Variants in SLCO3A1 observed in about 807,000 individuals in gnomAD.
The protein encoded by SLCO3A1 is solute carrier organic anion transporter family member 3A1.
Under a neutral mutation model 63.1 loss-of-function variants are expected in SLCO3A1, and 27 were observed. That is an observed-to-expected ratio of 0.43 (90% CI 0.32 to 0.59). The LOEUF is 0.59. Among genes scored for constraint, SLCO3A1 ranks in the 20% least tolerant of loss-of-function variants. SLCO3A1 has a pLI of 0.09. For missense variants in SLCO3A1, 773 were observed against 945.8 expected (o/e 0.82, Z 2.40); for synonymous variants, 473 against 409.9 (o/e 1.15, Z -1.86).
intron 2 of SLCO3A1, among the ~76,000 whole-genome samples, chr15:92,036,514 A>C (rs893962091): frequency 1.3e-5 from 2 of 152,136 alleles, no homozygotes; most frequent in African/African-American, 2.4e-5. Context: ...GGGCAGCGGC[A>C]TTGCTTAACC....
rs564185413 is a variant in SLCO3A1 at position 92,115,283 on chromosome 15, A to T, written c.1010-5182A>T. ...GTAGGAGCTCTTCTTGACCACAGAG[A>T]TGGCCCAGGAACTCAGCCCAGCCCA... On this transcript the variant is annotated intron_variant, in intron 4 of 9. Coordinates refer to ENST00000318445, the MANE Select transcript of SLCO3A1 (RefSeq NM_013272.4). 3.3e-5 allele frequency among the ~76,000 whole-genome samples: 5 copies of T among 152,004 alleles called. No individual in the cohort carries two copies. The East Asian group carries it at 9.7e-4, about 30-fold the overall frequency.
chr15:92,055,942 T>A (rs1161169819), intron 2 of SLCO3A1, among the ~76,000 whole-genome samples: 3 of 152,228 alleles, frequency 2.0e-5, no homozygotes, highest in African/African-American at 7.2e-5. Flanking sequence ...TTTTTTAGAA[T>A]CCACAAACCG....
chr15:91,904,025 G>A (rs1487591963), intron 1 of SLCO3A1, among the ~76,000 whole-genome samples: 2 of 57,910 alleles, frequency 3.5e-5, no homozygotes, highest in Non-Finnish European at 6.2e-5. Context: ...ATGGGAAGGA[G>A]TGGGTCGGGT....
At chr15:92,063,675 C>T (rs2047113385) in intron 2 of SLCO3A1, among the ~76,000 whole-genome samples, 1 of 152,100 alleles carries the variant, frequency 6.6e-6, no homozygotes, top group Non-Finnish European at 1.5e-5. Context: ...TATGGTGGAA[C>T]CCTGTCTCTA....
chr15:92,067,881 C>T (rs1164500392), intron 2 of SLCO3A1, among the ~76,000 whole-genome samples: 1 of 152,158 alleles, frequency 6.6e-6, no homozygotes, highest in Admixed American at 6.5e-5. Flanking sequence ...TTCAGTGTCT[C>T]GTGAGGATCA....
rs1897312519 is a variant in SLCO3A1, at chr15:91,872,853, C to T, written c.180+18765C>T. Reference sequence around the variant, plus strand: ...GGGCCAGAGAATCTGTTCTCTGTTCCCTTCCTCCCCTTTAGGGCATGGTGG... The same window carrying T: ...GGGCCAGAGAATCTGTTCTCTGTTCTCTTCCTCCCCTTTAGGGCATGGTGG... On this transcript the variant is annotated intron_variant, in intron 1 of 9. Transcript: ENST00000318445. The surrounding 1 kb of genome is among the most constrained non-coding windows in gnomAD (Gnocchi z 4.1). Among the ~76,000 whole-genome samples the T allele has an allele frequency of 6.6e-6, 1 of 152,154 alleles. No homozygotes were observed. The highest frequency in any genetic ancestry group is 1.5e-5 in the Non-Finnish European group (1 of 68,030).
chr15:92,123,640 C>T (rs2047889015), intron 5 of SLCO3A1, among the ~76,000 whole-genome samples: 1 of 152,246 alleles, frequency 6.6e-6, no homozygotes, highest in African/African-American at 2.4e-5. Context: ...GTAAAATACA[C>T]CTCTTTATAA....
intron 2 of SLCO3A1, among the ~76,000 whole-genome samples, chr15:91,924,770 A>G (rs1232321963): frequency 1.3e-5 from 2 of 152,220 alleles, no homozygotes; most frequent in Non-Finnish European, 2.9e-5. Flanking sequence ...AGGATTGGAA[A>G]GAAATGAAAC....
intron 2 of SLCO3A1, among the ~76,000 whole-genome samples, chr15:91,928,050 A>T (rs1567190231): frequency 6.6e-6 from 1 of 152,272 alleles, no homozygotes; most frequent in Non-Finnish European, 1.5e-5. Context: ...GCTATTAGGC[A>T]GTACATAGAG....
intron 7 of SLCO3A1, among the ~76,000 whole-genome samples, chr15:92,143,436 TATA>T (rs2048170646): frequency 9.7e-5 from 1 of 10,356 alleles, no homozygotes; most frequent in Non-Finnish European, 1.4e-4. Context: ...ATATAATATA[TATA>T]ATATATATAT....
chr15:92,037,586 A>G (rs1158377739), intron 2 of SLCO3A1, among the ~76,000 whole-genome samples: 3 of 152,192 alleles, frequency 2.0e-5, no homozygotes, highest in African/African-American at 7.2e-5. Context: ...TTCCTGACAG[A>G]TTTCTAAAAT....
chr15:92,000,211 C>G (rs183549075), intron 2 of SLCO3A1, among the ~76,000 whole-genome samples: 2 of 151,792 alleles, frequency 1.3e-5, no homozygotes, highest in Non-Finnish European at 2.9e-5. Context: ...TATAGATATA[C>G]AAAACATGTA....
chr15:91,977,627 G>A (rs1351256794), intron 2 of SLCO3A1, among the ~76,000 whole-genome samples: 2 of 152,206 alleles, frequency 1.3e-5, no homozygotes, highest in East Asian at 3.9e-4. Flanking sequence ...TTGGGAGGTG[G>A]GTGAGGGATA....
At chr15:91,984,211 G>T (rs761619027) in intron 2 of SLCO3A1, among the ~76,000 whole-genome samples, 1 of 152,186 alleles carries the variant, frequency 6.6e-6, no homozygotes, top group African/African-American at 2.4e-5. Context: ...TCCAGGAGGC[G>T]GTAGTGGGAA....
intron 2 of SLCO3A1, among the ~76,000 whole-genome samples, chr15:91,937,555 TA>T (rs1337284431): frequency 6.6e-6 from 1 of 151,942 alleles, no homozygotes; most frequent in Non-Finnish European, 1.5e-5. Context: ...CCATCTCTAC[TA>T]AAAATACAAA....
In SLCO3A1 at chr15:91,967,462, T is replaced by G. The variant is rs1226041883; in HGVS notation, c.646+51004T>G. ...TCCTCTGGTTATGCTTTTCTTTGGC[T>G]AATAGTATCATTTGTCTCCCCACCT... is the stretch of plus-strand genomic sequence containing the variant. On this transcript the variant is annotated intron_variant, in intron 2 of 9. Transcript: ENST00000318445. The surrounding 1 kb of genome is among the most constrained non-coding windows in gnomAD (Gnocchi z 4.4). Among the ~76,000 whole-genome samples, 1 of 152,218 alleles carries G rather than the reference T, an allele frequency of 6.6e-6. No homozygotes were observed. Among genetic ancestry groups the G allele is most frequent in the African/African-American group, 2.4e-5 (1 of 41,450 alleles).
intron 4 of SLCO3A1, among the ~76,000 whole-genome samples, chr15:92,107,757 C>G (rs1397313997): frequency 6.6e-6 from 1 of 152,252 alleles, no homozygotes; most frequent in Non-Finnish European, 1.5e-5. Flanking sequence ...TTCCAGCCCC[C>G]TCTTCTCTGG....
intron 2 of SLCO3A1, among the ~76,000 whole-genome samples, chr15:92,038,446 T>C (rs778731024): frequency 5.3e-5 from 8 of 152,160 alleles, no homozygotes; most frequent in Non-Finnish European, 1.2e-4. Flanking sequence ...CAAGCAATCC[T>C]ATACGCCAAC....
At chr15:92,145,050 G>A (rs1384171510) in intron 7 of SLCO3A1, among the ~76,000 whole-genome samples, 1 of 152,216 alleles carries the variant, frequency 6.6e-6, no homozygotes, top group Non-Finnish European at 1.5e-5. Context: ...AACAGGTAGA[G>A]TGGAGCTTTG....
Sources: allele counts gnomAD v4.1 joint callset (sites outside exome capture counted in the v4.1 genomes callset), GRCh38; gene constraint gnomAD v4.1.1; non-coding constraint Gnocchi (gnomAD v3.1); transcripts MANE v1.5; gene names NCBI Gene and HGNC (gene_info 2026-07-23, HGNC 2026-07-21).